Variants in FBXL13 observed in about 807,000 individuals in gnomAD.
FBXL13 encodes F-box and leucine-rich repeat protein 13.
Under a neutral mutation model 83.6 loss-of-function variants are expected in FBXL13, and 67 were observed. The observed-to-expected ratio is 0.80, with a 90% CI of 0.66 to 0.98. The LOEUF is 0.98. Ranked by LOEUF, FBXL13 falls within the 50% of genes least tolerant of loss-of-function variation. The probability of loss-of-function intolerance (pLI) is 0.00; values close to 1 mark genes in which losing one functional copy is unlikely to be tolerated. For synonymous variants in FBXL13, 272 were observed against 299.5 expected, an observed-to-expected ratio of 0.91 and a Z score of 0.95; for missense variants, 822 against 866.5, an observed-to-expected ratio of 0.95 and a Z score of 0.64.
chr7:103,007,874 A>G (rs757125420), intron 6 of FBXL13, among the ~76,000 whole-genome samples: 11 of 152,132 alleles, frequency 7.2e-5, no homozygotes, highest in Non-Finnish European at 1.2e-4. Flanking sequence ...AGGATATCCA[A>G]TCAGTGGGCC....
chr7:102,853,815 A>T (rs1439379123), intron 17 of FBXL13, among the ~76,000 whole-genome samples: 3 of 152,198 alleles, frequency 2.0e-5, no homozygotes, highest in Non-Finnish European at 4.4e-5. Context: ...TCAAAACCAC[A>T]ATGAGATATC....
intron 10 of FBXL13, among the ~76,000 whole-genome samples, chr7:102,919,906 A>G (rs1816658133): frequency 6.6e-6 from 1 of 152,244 alleles, no homozygotes; most frequent in African/African-American, 2.4e-5. Flanking sequence ...AAGACCATCA[A>G]TGAATGGCCT....
intron 1 of FBXL13, among the ~76,000 whole-genome samples, chr7:103,066,006 C>T (rs1051916937): frequency 1.3e-5 from 2 of 152,240 alleles, no homozygotes; most frequent in African/African-American, 2.4e-5. Flanking sequence ...ACTGAAGTCC[C>T]TCTCCCTCCA....
intron 1 of FBXL13, among the ~76,000 whole-genome samples, chr7:103,061,682 G>A (rs370840667): frequency 4.6e-5 from 7 of 151,448 alleles, no homozygotes; most frequent in African/African-American, 1.7e-4. Context: ...GCTCACGCCT[G>A]TAATCCCAAC....
chr7:102,990,730 C>T (rs1829473415), intron 6 of FBXL13, among the ~76,000 whole-genome samples: 1 of 152,130 alleles, frequency 6.6e-6, no homozygotes, highest in Non-Finnish European at 1.5e-5. Flanking sequence ...CTAAGCAGGA[C>T]TGAGTAGGGC....
intron 7 of FBXL13, among the ~76,000 whole-genome samples, chr7:102,964,410 T>A (rs375365692): frequency 0.019 from 2,547 of 135,124 alleles, 35 homozygotes; most frequent in Middle Eastern, 0.036. Context: ...ATATATTTTT[T>A]TTTTTTTTTC....
intron 2 of FBXL13, among the ~76,000 whole-genome samples, chr7:103,050,491 G>A (rs1478145304): frequency 6.6e-6 from 1 of 152,090 alleles, no homozygotes; most frequent in Admixed American, 6.5e-5. Flanking sequence ...ATATCAAACT[G>A]GTAAGGCTTA....
intron 10 of FBXL13, among the ~76,000 whole-genome samples, chr7:102,920,196 C>T (rs1816706706): frequency 6.6e-6 from 1 of 152,138 alleles, no homozygotes; most frequent in South Asian, 2.1e-4. Flanking sequence ...TTTTTAAAAA[C>T]ATGCCAATAG....
chr7:102,904,999 T>G (rs1455423244), intron 11 of FBXL13, among the ~76,000 whole-genome samples: 1 of 152,186 alleles, frequency 6.6e-6, no homozygotes, highest in Admixed American at 6.5e-5. Flanking sequence ...TCAGTTTTTT[T>G]GAATGTTTTA....
chr7:102,884,382 C>A (rs1030744613), intron 11 of FBXL13, 70 bp from the exon 13 acceptor site: 36 of 1,063,660 alleles, frequency 3.4e-5, no homozygotes, highest in Non-Finnish European at 4.7e-5. Flanking sequence ...GAGTAATAAC[C>A]AAAGATACAC....
At chr7:103,068,288 T>C (rs1199892043) in intron 1 of FBXL13, among the ~76,000 whole-genome samples, 1 of 152,180 alleles carries the variant, frequency 6.6e-6, no homozygotes, top group Admixed American at 6.5e-5. Context: ...CTAAATCTGA[T>C]GTTATGAACT....
intron 17 of FBXL13, among the ~76,000 whole-genome samples, chr7:102,833,842 A>G (rs989434733): frequency 2.0e-5 from 3 of 151,894 alleles, no homozygotes; most frequent in Non-Finnish European, 4.4e-5. Flanking sequence ...CTTTATATCA[A>G]TACTTCTTAA....
chr7:103,016,342 G>A (rs952129902), intron 6 of FBXL13, among the ~76,000 whole-genome samples: 69 of 151,858 alleles, frequency 4.5e-4, no homozygotes, highest in Admixed American at 2.4e-3. Flanking sequence ...GAGGTTCCAA[G>A]ATGGCCGAAT....
In FBXL13 at chr7:102,966,755, T is replaced by G. The variant is rs1022175450; in HGVS notation, c.591+1267A>C. Among the ~76,000 whole-genome samples, 16 of 152,354 alleles carry G rather than the reference T, an allele frequency of 1.1e-4. 1 individual carries two copies. Among genetic ancestry groups the G allele is most frequent in the Middle Eastern group, 6.8e-3 (2 of 294 alleles). Reference sequence around the variant, plus strand: ...GTGTTCACATGTGGCACAATTATAATCAGCATTTTTAGCACAAACAATAAC... The same window carrying G: ...GTGTTCACATGTGGCACAATTATAAGCAGCATTTTTAGCACAAACAATAAC... On this transcript the variant is annotated intron_variant, in intron 7 of 19. Transcript: ENST00000313221.
chr7:102,893,651 C>A (rs781350881), intron 11 of FBXL13, among the ~76,000 whole-genome samples: 2 of 151,564 alleles, frequency 1.3e-5, no homozygotes, highest in Non-Finnish European at 2.9e-5. Context: ...ACCTGTAGTC[C>A]CAGCTGCTGG....
chr7:102,918,056 T>G (rs1180707102), intron 10 of FBXL13, among the ~76,000 whole-genome samples: 4 of 152,216 alleles, frequency 2.6e-5, no homozygotes, highest in Non-Finnish European at 5.9e-5. Flanking sequence ...GCAAGTACTT[T>G]TTTTGGAAAG....
chr7:102,863,513 T>TGG (rs11316569), intron 16 of FBXL13, among the ~76,000 whole-genome samples: 6 of 142,834 alleles, frequency 4.2e-5, no homozygotes, highest in Non-Finnish European at 4.7e-5. Flanking sequence ...GGGATAAAAT[T>TGG]GGGGGGGGGG....
chr7:102,930,779 A>T (rs1480281497), intron 9 of FBXL13, among the ~76,000 whole-genome samples: 1 of 152,120 alleles, frequency 6.6e-6, no homozygotes, highest in Non-Finnish European at 1.5e-5. Flanking sequence ...GATCTTATTC[A>T]CGCTTATGAT....
At chr7:102,843,918 A>G (rs1481839872) in intron 17 of FBXL13, among the ~76,000 whole-genome samples, 1 of 152,248 alleles carries the variant, frequency 6.6e-6, no homozygotes, top group East Asian at 1.9e-4. Flanking sequence ...TTTATACTCC[A>G]TAAGCCGAAG....
Sources: gnomAD v4.1 joint callset for allele counts (sites outside exome capture counted in the v4.1 genomes callset) on GRCh38, gnomAD v4.1.1 for gene constraint, MANE v1.5 for transcripts, NCBI Gene and HGNC (gene_info 2026-07-23, HGNC 2026-07-21) for gene names.